Variants in PSPC1 observed in about 807,000 individuals in gnomAD.
PSPC1 encodes paraspeckle component 1.
Under a neutral mutation model 51.6 loss-of-function variants are expected in PSPC1, and 14 were observed. That is an observed-to-expected ratio of 0.27 (90% confidence interval 0.18 to 0.42). The LOEUF (loss-of-function observed/expected upper bound fraction) is 0.42. Among genes scored for constraint, PSPC1 ranks in the 10% least tolerant of loss-of-function variants. The probability of loss-of-function intolerance (pLI) is 1.00; values close to 1 mark genes in which losing one functional copy is unlikely to be tolerated. For missense variants in PSPC1, 406 were observed against 701.1 expected, an observed-to-expected ratio of 0.58 and a Z score of 4.75; for synonymous variants, 193 against 231.9, an observed-to-expected ratio of 0.83 and a Z score of 1.53.
chr13:19,736,507 C>T (rs1054150297), intron 5 of PSPC1, among the ~76,000 whole-genome samples: 2 of 151,244 alleles, frequency 1.3e-5, no homozygotes, highest in Admixed American at 6.6e-5. Flanking sequence ...CACAGTGAAA[C>T]CCCATCTCTA....
At chr13:19,683,819 A>C (rs143771331) in intron 6 of PSPC1, among the ~76,000 whole-genome samples, 1,549 of 152,272 alleles carry the variant, frequency 0.01, 27 homozygotes, top group African/African-American at 0.035. Context: ...TTTCAGGAAA[A>C]AAATATATAT....
chr13:19,751,447 C>T lies in PSPC1; in HGVS notation c.791G>A (p.Arg264His), dbSNP rs1459928831. 3 of 1,521,600 alleles carry T rather than the reference C, an allele frequency of 2.0e-6. No homozygotes were observed. The highest frequency in any genetic ancestry group is 2.6e-6 in the Non-Finnish European group (3 of 1,139,514). 94.3% of individuals were successfully genotyped at this position (1,521,600 alleles called of 1,614,324 possible). Residue 264 changes from arginine (R) to histidine (H), a missense_variant, in exon 4 of 9, where the codon CGT becomes CAT. Physicochemically the swap from Arg to His is conservative, Grantham distance 29 (BLOSUM62 0). Around this residue, in one of 5 missense-constraint regions of PSPC1, gnomAD observed 180 missense variants for 337.9 expected, o/e 0.53. Transcript: ENST00000338910. ...TTCAAATGTCCCAGGTTGAGCAAAA[C>T]GTGGTGGTTGTTCTCTTTCCCTAAA... ...QYHKEREQPP[R>H]FAQPGTFEFE...
At chr13:19,742,928 A>AGAG (rs55918148) in intron 4 of PSPC1, among the ~76,000 whole-genome samples, 151,973 of 152,210 alleles carry the variant, frequency 1, 75,868 homozygotes, top group Middle Eastern at 1. Context: ...CTTACGAAGA[A>AGAG]GAGTGAGGAG....
chr13:19,737,174 G>A (rs1392707982), intron 5 of PSPC1: 2 of 152,036 alleles, frequency 1.3e-5, no homozygotes, highest in Admixed American at 6.6e-5. Flanking sequence ...ACATCCAATC[G>A]ACATAGTGCA....
chr13:19,767,748 C>T (rs939782122), intron 2 of PSPC1, among the ~76,000 whole-genome samples: 1 of 151,746 alleles, frequency 6.6e-6, no homozygotes, highest in African/African-American at 2.4e-5. Flanking sequence ...ACGTCACACT[C>T]AAAATGTATA....
intron 6 of PSPC1, among the ~76,000 whole-genome samples, chr13:19,688,257 G>A (rs1878158216): frequency 1.3e-5 from 2 of 151,990 alleles, no homozygotes; most frequent in South Asian, 4.2e-4. Context: ...AATCCGTCAA[G>A]GTACCAAAGT....
intron 6 of PSPC1, among the ~76,000 whole-genome samples, chr13:19,691,637 G>A (rs948269385): frequency 2.0e-5 from 3 of 152,052 alleles, no homozygotes; most frequent in African/African-American, 7.2e-5. Flanking sequence ...ATTTACAAAG[G>A]CCGGGCGTGG....
chr13:19,705,962 T>A lies in PSPC1; in HGVS notation c.1217-131A>T, dbSNP rs191369446. 3,717 of 674,318 alleles carry A rather than the reference T, an allele frequency of 5.5e-3. 43 individuals are homozygous for A. Among genetic ancestry groups the A allele is most frequent in the South Asian group, 0.024 (655 of 27,484 alleles). 41.8% of individuals were successfully genotyped at this position (674,318 alleles called of 1,614,324 possible). On this transcript the variant is annotated intron_variant, in intron 7 of 8. Coordinates refer to ENST00000338910, the MANE Select transcript of PSPC1 (RefSeq NM_001354909.2). ...ATTTTCGCTCCTTAAGAATGCGATA[T>A]GCGTTATCTACTCTGTAATAGGGTA...
At chr13:19,719,515 T>C (rs1420907576) in intron 6 of PSPC1, among the ~76,000 whole-genome samples, 1 of 152,140 alleles carries the variant, frequency 6.6e-6, no homozygotes, top group African/African-American at 2.4e-5. Flanking sequence ...AAACAAAAAG[T>C]AGTTGTTACT....
chr13:19,747,374 C>G (rs1886102337), intron 4 of PSPC1, among the ~76,000 whole-genome samples: 1 of 152,110 alleles, frequency 6.6e-6, no homozygotes, highest in African/African-American at 2.4e-5. Context: ...TTCTGTCATC[C>G]AGGCTGGAGT....
chr13:19,782,913 T>C lies in PSPC1; in HGVS notation c.-156A>G, dbSNP rs923302755. On this transcript the variant is annotated 5_prime_UTR_variant, in exon 1 of 9. Transcript: ENST00000338910. The surrounding 1 kb of genome is among the most constrained non-coding windows in gnomAD (Gnocchi z 4.5). The stretch of plus-strand genomic sequence containing the variant: ...AGTCGGCAACCCGTCCTCCCCCAAC[T>C]CACGCCCGCTGCAGCTGCACATTCA... The C allele has an allele frequency of 1.4e-6, 1 of 738,368 alleles. No homozygotes were observed. Among genetic ancestry groups the C allele is most frequent in the African/African-American group, 1.8e-5 (1 of 54,846 alleles). The allele number at this position is 738,368 out of a possible 1,614,324, so 45.7% of individuals were successfully genotyped here.
chr13:19,689,190 G>A (rs189977780), intron 6 of PSPC1, among the ~76,000 whole-genome samples: 10 of 152,272 alleles, frequency 6.6e-5, no homozygotes, highest in Admixed American at 3.3e-4. Context: ...GTTCTGCTCC[G>A]GCTGCTCTAG....
chr13:19,734,660 G>A (rs1884547151), intron 5 of PSPC1, among the ~76,000 whole-genome samples: 1 of 152,114 alleles, frequency 6.6e-6, no homozygotes, highest in South Asian at 2.1e-4. Context: ...AAACTAGCCT[G>A]GCGTGGTGGC....
chr13:19,709,307 G>A (rs1881112205), intron 7 of PSPC1, among the ~76,000 whole-genome samples: 1 of 151,994 alleles, frequency 6.6e-6, no homozygotes, highest in African/African-American at 2.4e-5. Flanking sequence ...TTAAGCCTAT[G>A]AATGTATAAC....
chr13:19,736,857 T>C (rs1278545515), intron 5 of PSPC1: 1 of 152,164 alleles, frequency 6.6e-6, no homozygotes, highest in African/African-American at 2.4e-5. Context: ...ACTGGCACAA[T>C]ATTATAATTA....
intron 5 of PSPC1, among the ~76,000 whole-genome samples, chr13:19,734,837 G>A (rs1230300768): frequency 6.6e-6 from 1 of 151,198 alleles, no homozygotes; most frequent in Non-Finnish European, 1.5e-5. Context: ...AATTAGCCGG[G>A]CGTGGTGGCG....
chr13:19,711,412 G>A (rs535354960), intron 6 of PSPC1, among the ~76,000 whole-genome samples: 22 of 152,074 alleles, frequency 1.4e-4, no homozygotes, highest in African/African-American at 5.3e-4. Flanking sequence ...CGAGATGGGC[G>A]GATCATGAGG....
At chr13:19,773,098 T>C (rs1214628879) in intron 1 of PSPC1, among the ~76,000 whole-genome samples, 4 of 151,894 alleles carry the variant, frequency 2.6e-5, no homozygotes, top group Non-Finnish European at 5.9e-5. Context: ...AGGCAGAGGT[T>C]GCAGTGAGCT....
chr13:19,686,748 T>A (rs1054129139), intron 6 of PSPC1, among the ~76,000 whole-genome samples: 1 of 152,208 alleles, frequency 6.6e-6, no homozygotes, highest in Non-Finnish European at 1.5e-5. Flanking sequence ...AACAGTGTAA[T>A]AAAGATTATT....
Sources: allele counts gnomAD v4.1 joint callset (sites outside exome capture counted in the v4.1 genomes callset), GRCh38; gene constraint gnomAD v4.1.1; regional missense constraint gnomAD v4.1.1; non-coding constraint Gnocchi (gnomAD v3.1); transcripts MANE v1.5; gene names NCBI Gene and HGNC (gene_info 2026-07-23, HGNC 2026-07-21).